Variants in WWOX observed in about 807,000 individuals in gnomAD.
The protein encoded by WWOX is WW domain-containing oxidoreductase.
A neutral mutation model predicts 46.2 loss-of-function variants in WWOX; 69 were observed. The ratio of observed to expected loss-of-function variants is 1.49; its 90% CI spans 1.23 to 1.82. The LOEUF (loss-of-function observed/expected upper bound fraction) is 1.82, where lower values mean the gene tolerates loss of function less well. WWOX is among the 40% of genes most tolerant of loss of function. The pLI, the probability that WWOX is intolerant of heterozygous loss-of-function variation, is 0.00. For missense variants in WWOX, 919 were observed against 542.6 expected (o/e 1.69, Z -6.89); for synonymous variants, 359 against 202.6 (o/e 1.77, Z -6.56).
intron 8 of WWOX, among the ~76,000 whole-genome samples, chr16:78,751,344 C>T (rs2049470926): frequency 2.0e-5 from 3 of 148,870 alleles, no homozygotes; most frequent in Admixed American, 6.7e-5. Context: ...GAGTTTTCAA[C>T]CAAAAAAAAG....
chr16:78,859,501 C>T (rs1000712217), intron 8 of WWOX, among the ~76,000 whole-genome samples: 2 of 152,044 alleles, frequency 1.3e-5, no homozygotes, highest in African/African-American at 2.4e-5. Flanking sequence ...TGTTATAGCT[C>T]GATTTTTATC....
intron 8 of WWOX, among the ~76,000 whole-genome samples, chr16:78,479,025 AATCACCAATTTAGAT>A (rs2084423444): frequency 6.6e-6 from 1 of 152,210 alleles, no homozygotes; most frequent in Non-Finnish European, 1.5e-5. Flanking sequence ...TGACTGTAGG[AATCACCAATTTAGAT>A]ATCCAGGCTT....
intron 5 of WWOX, among the ~76,000 whole-genome samples, chr16:78,234,285 A>G (rs1200945695): frequency 6.6e-6 from 1 of 152,182 alleles, no homozygotes; most frequent in Non-Finnish European, 1.5e-5. Context: ...TTATACTTTT[A>G]TGACTATTCA....
intron 8 of WWOX, among the ~76,000 whole-genome samples, chr16:79,130,108 A>C (rs920246926): frequency 6.6e-6 from 1 of 152,192 alleles, no homozygotes; most frequent in African/African-American, 2.4e-5. Context: ...TCTGTGTGTT[A>C]CAGATGAGAT....
At chr16:78,693,659 A>C (rs1481807111) in intron 8 of WWOX, among the ~76,000 whole-genome samples, 1 of 152,160 alleles carries the variant, frequency 6.6e-6, no homozygotes, top group Non-Finnish European at 1.5e-5. Context: ...TGGTGCGGTG[A>C]CATAACTATT....
At chr16:78,277,670 C>T (rs1350669871) in intron 5 of WWOX, among the ~76,000 whole-genome samples, 2 of 152,030 alleles carry the variant, frequency 1.3e-5, no homozygotes, top group Non-Finnish European at 2.9e-5. Context: ...GCAGGGACAG[C>T]GTGTAGGGTT....
chr16:79,076,475 T>C (rs1054430964), intron 8 of WWOX, among the ~76,000 whole-genome samples: 3 of 152,190 alleles, frequency 2.0e-5, no homozygotes, highest in Non-Finnish European at 4.4e-5. Flanking sequence ...TTCAAAAAAA[T>C]GCTGCTGGCT....
chr16:78,554,010 A>C (rs868433926), intron 8 of WWOX, among the ~76,000 whole-genome samples: 2 of 152,080 alleles, frequency 1.3e-5, no homozygotes, highest in African/African-American at 4.8e-5. Context: ...GAGGGCATCA[A>C]ACACGCCGTC....
chr16:79,068,757 G>T (rs1180818239), intron 8 of WWOX, among the ~76,000 whole-genome samples: 1 of 151,298 alleles, frequency 6.6e-6, no homozygotes, highest in East Asian at 1.9e-4. Flanking sequence ...GCTGCAGTGA[G>T]ATATGACCTC....
chr16:78,174,568 C>A (rs968485531), intron 5 of WWOX, among the ~76,000 whole-genome samples: 1 of 152,182 alleles, frequency 6.6e-6, no homozygotes, highest in African/African-American at 2.4e-5. Context: ...TCCAAATATC[C>A]CCAAAATCTT....
chr16:78,147,300 A>C (rs1393176006), intron 4 of WWOX, among the ~76,000 whole-genome samples: 3 of 152,258 alleles, frequency 2.0e-5, no homozygotes, highest in East Asian at 3.9e-4. Context: ...CCACTTCCTA[A>C]CCAATCACAA....
At chr16:79,135,291 G>T (rs1241952292) in intron 8 of WWOX, among the ~76,000 whole-genome samples, 1 of 152,012 alleles carries the variant, frequency 6.6e-6, no homozygotes, top group African/African-American at 2.4e-5. Flanking sequence ...TTACATGTAT[G>T]TCTTGATTTA....
chr16:79,210,112 A>C (rs2051670923), intron 8 of WWOX, among the ~76,000 whole-genome samples: 1 of 152,140 alleles, frequency 6.6e-6, no homozygotes, highest in African/African-American at 2.4e-5. Flanking sequence ...ATCAAAACCC[A>C]AGTCTTTGTC....
At chr16:78,776,519 G>C (rs2050194180) in intron 8 of WWOX, among the ~76,000 whole-genome samples, 1 of 152,122 alleles carries the variant, frequency 6.6e-6, no homozygotes, top group East Asian at 1.9e-4. Flanking sequence ...AGGAAACCTT[G>C]ACATGATGAC....
intron 8 of WWOX, among the ~76,000 whole-genome samples, chr16:78,749,877 G>A (rs573700790): frequency 6.6e-6 from 1 of 152,148 alleles, no homozygotes; most frequent in Non-Finnish European, 1.5e-5. Flanking sequence ...TTAATACCAA[G>A]TTTGACTTTC....
intron 8 of WWOX, among the ~76,000 whole-genome samples, chr16:78,499,970 C>T (rs370903278): frequency 3.3e-5 from 5 of 152,266 alleles, no homozygotes; most frequent in African/African-American, 1.2e-4. Flanking sequence ...CTCACTGAGA[C>T]TCATTTTGAA....
chr16:78,132,027 C>CT (rs1298818927), intron 4 of WWOX, among the ~76,000 whole-genome samples: 4,400 of 128,442 alleles, frequency 0.034, 274 homozygotes, highest in African/African-American at 0.11. Flanking sequence ...TTTTCTTTTT[C>CT]TTTTTTTTTT....
At chr16:78,254,124 G>A (rs1415908499) in intron 5 of WWOX, among the ~76,000 whole-genome samples, 1 of 151,854 alleles carries the variant, frequency 6.6e-6, no homozygotes, top group East Asian at 1.9e-4. Context: ...AGGCTAGAGT[G>A]CAGTGGCGTG....
chr16:79,160,016 G>C (rs1279389266), intron 8 of WWOX, among the ~76,000 whole-genome samples: 1 of 152,174 alleles, frequency 6.6e-6, no homozygotes, highest in African/African-American at 2.4e-5. Context: ...CATTATTTCT[G>C]ACTGCAAAAT....
Sources: gnomAD v4.1 joint callset for allele counts (sites outside exome capture counted in the v4.1 genomes callset) on GRCh38, gnomAD v4.1.1 for gene constraint, MANE v1.5 for transcripts, NCBI Gene and HGNC (gene_info 2026-07-23, HGNC 2026-07-21) for gene names.